CTNNA2: variants seen among roughly 807,000 people sequenced by gnomAD.
CTNNA2 encodes the protein catenin alpha-2.
Under a neutral mutation model 101.0 loss-of-function variants are expected in CTNNA2, and 42 were observed. The observed-to-expected ratio is 0.42, with a 90% CI of 0.32 to 0.54. The LOEUF is 0.54. Among genes scored for constraint, CTNNA2 ranks in the 20% least tolerant of loss-of-function variants. The pLI is 0.14. For missense variants in CTNNA2, 871 were observed against 1,223.1 expected (o/e 0.71, Z 4.29); for synonymous variants, 450 against 456.4 (o/e 0.99, Z 0.18).
chr2:79,371,154 T>C (rs1016920736), intron 3 of CTNNA2, among the ~76,000 whole-genome samples: 4 of 151,556 alleles, frequency 2.6e-5, no homozygotes, highest in African/African-American at 9.7e-5. Flanking sequence ...AGGGGAGGGG[T>C]CTGGTGCCTT....
chr2:80,233,309 A>C (rs909611502), intron 7 of CTNNA2, among the ~76,000 whole-genome samples: 4 of 152,122 alleles, frequency 2.6e-5, no homozygotes, highest in African/African-American at 9.7e-5. Context: ...GTGAGAAGCA[A>C]TCCCACCGAA....
chr2:80,302,531 G>T lies in CTNNA2; in HGVS notation c.1057-90680G>T. ...GGAGAAGATGAGGGCCATGGTGCCC[G>T]TGACCACCTTGTGGATCTGCACGGC... On this transcript the variant is annotated intron_variant, in intron 7 of 18. Coordinates refer to ENST00000402739, the MANE Select transcript of CTNNA2 (RefSeq NM_001282597.3). The surrounding 1 kb of genome is among the most constrained non-coding windows in gnomAD (Gnocchi z 6.4). The T allele has an allele frequency of 6.2e-7, 1 of 1,611,732 alleles. No individual in the cohort carries two copies.
chr2:80,215,106 A>G (rs1195475647), intron 7 of CTNNA2, among the ~76,000 whole-genome samples: 2 of 152,092 alleles, frequency 1.3e-5, no homozygotes, highest in Admixed American at 6.6e-5. Flanking sequence ...TTTCAGCTCC[A>G]TCAGGTCATT....
chr2:79,918,110 C>G (rs575877485), intron 7 of CTNNA2, among the ~76,000 whole-genome samples: 8 of 152,168 alleles, frequency 5.3e-5, no homozygotes, highest in African/African-American at 1.9e-4. Flanking sequence ...CAGTATTGAA[C>G]AATCAATACT....
chr2:80,386,064 C>G (rs1284904198), intron 7 of CTNNA2, among the ~76,000 whole-genome samples: 1 of 152,136 alleles, frequency 6.6e-6, no homozygotes, highest in Non-Finnish European at 1.5e-5. Flanking sequence ...AAGGCATATC[C>G]TGATATTGCT....
intron 17 of CTNNA2, among the ~76,000 whole-genome samples, chr2:80,612,487 A>C (rs1698545295): frequency 6.6e-6 from 1 of 151,590 alleles, no homozygotes; most frequent in Non-Finnish European, 1.5e-5. Flanking sequence ...AATAAACCTT[A>C]GTGAAGTGGT....
chr2:79,297,167 T>G (rs1000786802), intron 2 of CTNNA2, among the ~76,000 whole-genome samples: 1 of 148,436 alleles, frequency 6.7e-6, no homozygotes, highest in Non-Finnish European at 1.5e-5. Flanking sequence ...TTTTTGATTT[T>G]TTGGTTTGTC....
At chr2:80,158,463 T>TCA (rs1292101301) in intron 7 of CTNNA2, among the ~76,000 whole-genome samples, 9 of 152,214 alleles carry the variant, frequency 5.9e-5, no homozygotes, top group Non-Finnish European at 1.0e-4. Context: ...GATGTTGTCA[T>TCA]TGATACAGTG....
intron 7 of CTNNA2, among the ~76,000 whole-genome samples, chr2:80,145,800 G>A (rs769136997): frequency 1.5e-4 from 23 of 152,168 alleles, no homozygotes; most frequent in Non-Finnish European, 2.6e-4. Context: ...TACAGAAAAG[G>A]TTTCATTTTT....
intron 7 of CTNNA2, among the ~76,000 whole-genome samples, chr2:80,169,737 G>A (rs1373727053): frequency 6.6e-6 from 1 of 152,134 alleles, no homozygotes; most frequent in South Asian, 2.1e-4. Context: ...GTGTCATTTT[G>A]GCTGTGAGCT....
intron 7 of CTNNA2, among the ~76,000 whole-genome samples, chr2:80,014,823 AT>A (rs1173526713): frequency 6.6e-6 from 1 of 152,222 alleles, no homozygotes; most frequent in East Asian, 1.9e-4. Context: ...TGACTTTGGA[AT>A]TACCCTATAT....
chr2:79,220,583 G>A (rs539948987), intron 2 of CTNNA2, among the ~76,000 whole-genome samples: 3 of 152,094 alleles, frequency 2.0e-5, no homozygotes, highest in Admixed American at 6.5e-5. Flanking sequence ...CAAGGAGGGC[G>A]ATACAAGATT....
rs1686409438 is a variant in CTNNA2 at position 79,720,478 on chromosome 2, A to G, written c.103-23909A>G. ...ATATCATTGAACCTCTAATTGCTTT[A>G]GGCACTATGGTCATTTTAACAAAAT... is the stretch of plus-strand genomic sequence containing the variant. On this transcript the variant is annotated intron_variant, in intron 2 of 18. Coordinates refer to ENST00000402739, the MANE Select transcript of CTNNA2 (RefSeq NM_001282597.3). 2.0e-5 allele frequency among the ~76,000 whole-genome samples: 3 copies of G among 152,040 alleles called. No individual in the cohort carries two copies. The South Asian group carries it at 6.2e-4, about 32-fold the overall frequency.
chr2:79,711,508 G>T (rs924995781), intron 2 of CTNNA2, among the ~76,000 whole-genome samples: 3 of 152,086 alleles, frequency 2.0e-5, no homozygotes, highest in South Asian at 2.1e-4. Context: ...CGAGTATATC[G>T]CAGGTCTTCA....
chr2:79,884,751 C>CTTTTTTTTTTTTTTTTTTTTTTT (rs375184305), intron 6 of CTNNA2, among the ~76,000 whole-genome samples: 1 of 138,406 alleles, frequency 7.2e-6, no homozygotes. Context: ...TTTAAATATG[C>CTTTTTTTTTTTTTTTTTTTTTTT]TTTTTTTTTT....
intron 7 of CTNNA2, among the ~76,000 whole-genome samples, chr2:80,213,892 G>C (rs935671284): frequency 1.3e-5 from 2 of 152,170 alleles, no homozygotes; most frequent in African/African-American, 4.8e-5. Flanking sequence ...ATGAATCTGG[G>C]TGCTCTAGTA....
chr2:79,641,605 G>A (rs745766885), intron 1 of CTNNA2, among the ~76,000 whole-genome samples: 2 of 152,138 alleles, frequency 1.3e-5, no homozygotes, highest in Middle Eastern at 3.2e-3. Context: ...TTGGGTCCCT[G>A]GTGGGACACT....
At chr2:80,358,897 A>G (rs1010327113) in intron 7 of CTNNA2, among the ~76,000 whole-genome samples, 9 of 152,090 alleles carry the variant, frequency 5.9e-5, no homozygotes, top group Admixed American at 5.9e-4. Context: ...AAACATGAAG[A>G]GGTTCTTTAT....
intron 6 of CTNNA2, among the ~76,000 whole-genome samples, chr2:79,890,850 C>T (rs1684249582): frequency 7.3e-6 from 1 of 137,196 alleles, no homozygotes; most frequent in African/African-American, 2.7e-5. Flanking sequence ...TTCTTGTGAG[C>T]GCTCACTCTG....
Sources: gnomAD v4.1 joint callset for allele counts (sites outside exome capture counted in the v4.1 genomes callset) on GRCh38, gnomAD v4.1.1 for gene constraint, Gnocchi (gnomAD v3.1) non-coding constraint, MANE v1.5 for transcripts, NCBI Gene and HGNC (gene_info 2026-07-23, HGNC 2026-07-21) for gene names.